HNF1B: variants seen among roughly 807,000 people sequenced by gnomAD.
HNF1B encodes hepatocyte nuclear factor 1-beta.
In HNF1B, 8 loss-of-function variants were observed where a neutral mutation model predicts 61.7. That is an observed-to-expected ratio of 0.13 (90% confidence interval 0.08 to 0.23). The LOEUF is 0.23. Among genes scored for constraint, HNF1B ranks in the 10% least tolerant of loss-of-function variants. The pLI, the probability that HNF1B is intolerant of heterozygous loss-of-function variation, is 1.00. For synonymous variants in HNF1B, 314 were observed against 287.7 expected (o/e 1.09, Z -0.93); for missense variants, 562 against 714.5 (o/e 0.79, Z 2.43).
At chr17:37,692,457 T>G (rs574129939) in intron 8 of HNF1B, among the ~76,000 whole-genome samples, 2 of 152,370 alleles carry the variant, frequency 1.3e-5, no homozygotes, top group East Asian at 3.9e-4. Context: ...TACCCATCTT[T>G]GAACCTCAGT....
At position 37,742,715 on chromosome 17, in the gene HNF1B, G is replaced by A. The variant is rs554697103; in HGVS notation, c.344+1826C>T. Among the ~76,000 whole-genome samples, 344 of 151,596 alleles carry A rather than the reference G, an allele frequency of 2.3e-3. 2 individuals are homozygous for A. The highest frequency in any genetic ancestry group is 7.6e-3 in the African/African-American group (314 of 41,384). ...TTGGGGAGGGAAGAGCGGGGCTGGG[G>A]TCTAAGGACCCTGGGCCGGGCCTGG... On this transcript the variant is annotated intron_variant, in intron 1 of 8. Coordinates refer to ENST00000617811, the MANE Select transcript of HNF1B (RefSeq NM_000458.4).
intron 1 of HNF1B, 71 bp downstream of exon 1, chr17:37,744,470 A>C (rs2034104242): frequency 4.0e-6 from 6 of 1,483,528 alleles, no homozygotes; most frequent in Non-Finnish European, 5.6e-6. Flanking sequence ...GGTCGGGCGC[A>C]GTGTCACTCA....
chr17:37,727,987 T>C (rs532294133), intron 4 of HNF1B, among the ~76,000 whole-genome samples: 2 of 151,008 alleles, frequency 1.3e-5, no homozygotes, highest in Admixed American at 1.3e-4. Flanking sequence ...CAACATGGAG[T>C]TTTTTTTGTT....
Position 37,687,113 on chromosome 17 carries a change from C to T in HNF1B, c.*259G>A. On this transcript the variant is annotated 3_prime_UTR_variant, in exon 9 of 9. Transcript: ENST00000617811. The stretch of plus-strand genomic sequence containing the variant: ...TCCTCTTCGGAGGTTCCTTGTCTCC[C>T]ACCTCCAGGACAGACAGGAGTCCTT... 3 of 626,298 alleles carry T rather than the reference C, an allele frequency of 4.8e-6. No individual in the cohort carries two copies. The highest frequency in any genetic ancestry group is 5.2e-5 in the Admixed American group (2 of 38,706). The allele number at this position is 626,298 out of a possible 1,614,324, so 38.8% of individuals were successfully genotyped here.
At position 37,733,588 on chromosome 17, in the gene HNF1B, C is replaced by G; in HGVS notation, c.778G>C (p.Glu260Gln). ...CATTCCTCCACTAAGGCCTCTCTCT[C>G]TTCCTTGCTGGGGTTCTTTTGCCGA... The part of the protein sequence containing the change: ...YDRQKNPSKE[E>Q]REALVEECNR... Residue 260 changes from glutamate to glutamine, a missense_variant, in exon 3 of 9, where the codon GAG (glutamate) becomes CAG (glutamine). Transcript: ENST00000617811. 6.2e-7 allele frequency: 1 copy of G among 1,614,216 alleles called. No homozygotes were observed. The highest frequency in any genetic ancestry group is 8.5e-7 in the Non-Finnish European group (1 of 1,180,046).
intron 4 of HNF1B, among the ~76,000 whole-genome samples, chr17:37,719,569 C>A (rs1239431718): frequency 6.6e-6 from 1 of 152,198 alleles, no homozygotes; most frequent in Non-Finnish European, 1.5e-5. Context: ...GTCTGGCTCC[C>A]AGGGTCTGGT....
At chr17:37,744,197 G>A (rs2034091819) in intron 1 of HNF1B, among the ~76,000 whole-genome samples, 1 of 152,216 alleles carries the variant, frequency 6.6e-6, no homozygotes, top group Admixed American at 6.5e-5. Flanking sequence ...AAGTCGCAGC[G>A]GTTTCACTGC....
At chr17:37,728,001 T>G (rs964886016) in intron 4 of HNF1B, among the ~76,000 whole-genome samples, 14 of 152,112 alleles carry the variant, frequency 9.2e-5, no homozygotes, top group South Asian at 4.1e-4. Flanking sequence ...TTTTGTTGTT[T>G]TTTTTTTAAG....
chr17:37,701,280 G>A, intron 6 of HNF1B, 103 bp from the exon 7 acceptor site: 1 of 1,137,872 alleles, frequency 8.8e-7, no homozygotes. Context: ...TCACCGGGCT[G>A]AGCCTGTTAC....
At chr17:37,714,479 G>A (rs1378887599) in intron 4 of HNF1B, among the ~76,000 whole-genome samples, 1 of 152,216 alleles carries the variant, frequency 6.6e-6, no homozygotes, top group Non-Finnish European at 1.5e-5. Context: ...AGAAATGACA[G>A]TGGCAGATGG....
chr17:37,739,189 T>C (rs978393605), intron 2 of HNF1B, among the ~76,000 whole-genome samples: 5 of 152,092 alleles, frequency 3.3e-5, no homozygotes, highest in Non-Finnish European at 7.4e-5. Flanking sequence ...CCAAAAAGTT[T>C]AAGGTATGCT....
intron 4 of HNF1B, among the ~76,000 whole-genome samples, chr17:37,712,009 T>C (rs1436206400): frequency 6.6e-6 from 1 of 152,192 alleles, no homozygotes; most frequent in Non-Finnish European, 1.5e-5. Context: ...TGAGACTAGA[T>C]GAGCCCCAAG....
intron 4 of HNF1B, chr17:37,729,087 A>G (rs1568661785): frequency 6.6e-6 from 1 of 152,188 alleles, no homozygotes; most frequent in East Asian, 1.9e-4. Flanking sequence ...TCATCCTCAC[A>G]TGCACCCTGT....
In HNF1B at chr17:37,706,321, G is replaced by A. The variant is rs147970483; in HGVS notation, c.1207-1272C>T. ...GGCCCCTCTTATTCTGAACCCAGGC[G>A]TGCTTGAGAGCATCAGGAACCCCGA... On this transcript the variant is annotated intron_variant, in intron 5 of 8. Coordinates refer to ENST00000617811, the MANE Select transcript of HNF1B (RefSeq NM_000458.4). 1.2e-4 allele frequency among the ~76,000 whole-genome samples: 18 copies of A among 152,096 alleles called. No individual in the cohort carries two copies. The East Asian group carries it at 2.9e-3, about 24-fold the overall frequency.
intron 2 of HNF1B, 104 bp from the exon 3 acceptor site, chr17:37,733,925 T>C: frequency 7.2e-7 from 1 of 1,388,048 alleles, no homozygotes; most frequent in Non-Finnish European, 1.0e-6. Context: ...ATTCCCCTCG[T>C]CTAACTAAGC....
At chr17:37,687,535 C>G in intron 8 of HNF1B, 143 bp from the exon 9 acceptor site, 2 of 721,484 alleles carry the variant, frequency 2.8e-6, no homozygotes, top group South Asian at 2.9e-5. Flanking sequence ...CGTGTCTGCT[C>G]AGTTCTGCAG....
rs368513587 is a variant in HNF1B, at chr17:37,694,681, A to G, written c.1653+4395T>C. Among the ~76,000 whole-genome samples, 9 of 152,226 alleles carry G rather than the reference A, an allele frequency of 5.9e-5. No homozygotes were observed. In the South Asian group the frequency reaches 1.7e-3, roughly 28 times the overall value. The stretch of plus-strand genomic sequence containing the variant: ...TGAGGAACTGATTGGGAACTAGAGC[A>G]AAGGTCACCCTCCTTACGCCCAGGC... On this transcript the variant is annotated intron_variant, in intron 8 of 8. Coordinates refer to ENST00000617811, the MANE Select transcript of HNF1B (RefSeq NM_000458.4).
chr17:37,715,823 T>C (rs1220262666), intron 4 of HNF1B, among the ~76,000 whole-genome samples: 2 of 152,190 alleles, frequency 1.3e-5, no homozygotes, highest in Non-Finnish European at 2.9e-5. Flanking sequence ...ATCTTTTTAT[T>C]GGATTCTTAT....
chr17:37,720,857 G>A, intron 4 of HNF1B: 1 of 985,246 alleles, frequency 1.0e-6, no homozygotes. Context: ...TTACAGGTAG[G>A]GATGCAAACC....
Sources: gnomAD v4.1 joint callset for allele counts (sites outside exome capture counted in the v4.1 genomes callset) on GRCh38, gnomAD v4.1.1 for gene constraint, MANE v1.5 for transcripts, NCBI Gene and HGNC (gene_info 2026-07-23, HGNC 2026-07-21) for gene names.